SLC17A3: variants seen among roughly 807,000 people sequenced by gnomAD.
The protein encoded by SLC17A3 is solute carrier family 17 member 3.
Under a neutral mutation model 60.3 loss-of-function variants are expected in SLC17A3, and 61 were observed. That is an observed-to-expected ratio of 1.01 (90% CI 0.82 to 1.25). The LOEUF is 1.25. SLC17A3 is among the 50% of genes most tolerant of loss of function. SLC17A3 has a pLI of 0.00. For synonymous variants in SLC17A3, 192 were observed against 208.9 expected (o/e 0.92, Z 0.70); for missense variants, 624 against 594.9 (o/e 1.05, Z -0.51).
intron 11 of SLC17A3, among the ~76,000 whole-genome samples, chr6:25,847,542 G>A (rs1036923463): frequency 5.3e-5 from 8 of 152,054 alleles, no homozygotes; most frequent in African/African-American, 1.4e-4. Flanking sequence ...GTGTATAAGC[G>A]TTCCCTTTTC....
chr6:25,852,652 T>C (rs1367690088), intron 6 of SLC17A3, among the ~76,000 whole-genome samples: 1 of 152,192 alleles, frequency 6.6e-6, no homozygotes, highest in Non-Finnish European at 1.5e-5. Flanking sequence ...TTTTCATCTC[T>C]ATAAGTTTTA....
chr6:25,857,930 G>A (rs557420876), intron 5 of SLC17A3, among the ~76,000 whole-genome samples: 2 of 152,248 alleles, frequency 1.3e-5, no homozygotes, highest in African/African-American at 4.8e-5. Flanking sequence ...ACTCCTAAGA[G>A]TATGTATTCT....
At chr6:25,866,045 C>T (rs1235612991) in intron 2 of SLC17A3, among the ~76,000 whole-genome samples, 2 of 151,996 alleles carry the variant, frequency 1.3e-5, no homozygotes, top group Non-Finnish European at 2.9e-5. Context: ...CCAGTGATTA[C>T]CACCTCATGG....
chr6:25,846,040 G>A (rs1370640412), intron 11 of SLC17A3, among the ~76,000 whole-genome samples: 1 of 152,096 alleles, frequency 6.6e-6, no homozygotes, highest in East Asian at 1.9e-4. Context: ...AAATACCTAT[G>A]CATACATCAC....
At chr6:25,850,980 A>C in intron 6 of SLC17A3, 103 bp from the exon 7 acceptor site, 2 of 830,630 alleles carry the variant, frequency 2.4e-6, no homozygotes, top group Non-Finnish European at 4.2e-6. Context: ...GGAAAAGCTC[A>C]TGTTCATTAT....
chr6:25,848,871 A>G (rs1765221831), intron 11 of SLC17A3, among the ~76,000 whole-genome samples: 1 of 152,254 alleles, frequency 6.6e-6, no homozygotes, highest in Admixed American at 6.5e-5. Context: ...TCCAGAACCT[A>G]CAATGAACTC....
At chr6:25,868,032 A>C (rs979169877) in intron 2 of SLC17A3, among the ~76,000 whole-genome samples, 10 of 151,930 alleles carry the variant, frequency 6.6e-5, no homozygotes, top group Non-Finnish European at 1.3e-4. Flanking sequence ...CAAGCAGGAC[A>C]CACAATACTA....
At position 25,850,764 on chromosome 6, in the gene SLC17A3, G is replaced by A. The variant is rs776098992; in HGVS notation, c.826C>T (p.Gln276Ter). The A allele has an allele frequency of 2.5e-6, 4 of 1,612,482 alleles. No homozygotes were observed. The highest frequency in any genetic ancestry group is 1.3e-5 in the African/African-American group (1 of 74,894). ...GTTGGTGTCTTTATATGTACCTGTT[G>A]TTTCAAGGAGGATATGATGTATTCT... is the stretch of plus-strand genomic sequence containing the variant. ...EKEYIISSLK[Q>*]QVGSSKQPLP... The change falls in exon 7 of 13, where the codon CAA (glutamine) becomes TAA (stop). Residue 276 changes from glutamine (Q) to a stop codon, truncating the protein, a stop_gained. Coordinates refer to ENST00000397060, the MANE Select transcript of SLC17A3 (RefSeq NM_001098486.2). LOFTEE classifies it high-confidence loss of function.
chr6:25,860,360 C>A (rs951841330), intron 5 of SLC17A3, among the ~76,000 whole-genome samples: 2 of 152,128 alleles, frequency 1.3e-5, no homozygotes, highest in Non-Finnish European at 2.9e-5. Context: ...AAGGCAGGTG[C>A]CTTCTGGGGT....
chr6:25,868,763 C>G (rs1042894933), intron 1 of SLC17A3, among the ~76,000 whole-genome samples: 1 of 151,952 alleles, frequency 6.6e-6, no homozygotes, highest in African/African-American at 2.4e-5. Flanking sequence ...TTGTTAATAA[C>G]AACAACATCT....
intron 11 of SLC17A3, among the ~76,000 whole-genome samples, chr6:25,846,771 C>T (rs182785705): frequency 3.4e-4 from 52 of 152,150 alleles, no homozygotes; most frequent in Middle Eastern, 3.4e-3. Context: ...CCACCACATC[C>T]GGCTAATTGT....
Position 25,862,048 on chromosome 6 carries a change from G to T in SLC17A3, c.304-19C>A. On this transcript the variant is annotated intron_variant, in intron 3 of 12. Coordinates refer to ENST00000397060, the MANE Select transcript of SLC17A3 (RefSeq NM_001098486.2). ...CAGGAGCCTTAGAGAAACAGAGAAT[G>T]CTGTAGTAAACCTTACACAAAAAGG... is the stretch of plus-strand genomic sequence containing the variant. 1 of 1,566,820 alleles carries T rather than the reference G, an allele frequency of 6.4e-7. No individual in the cohort carries two copies. Among genetic ancestry groups the T allele is most frequent in the Admixed American group, 1.8e-5 (1 of 54,942 alleles).
At chr6:25,851,408 T>A (rs1305609941) in intron 6 of SLC17A3, among the ~76,000 whole-genome samples, 1 of 152,198 alleles carries the variant, frequency 6.6e-6, no homozygotes, top group African/African-American at 2.4e-5. Flanking sequence ...CTAACTTTGA[T>A]GAAATCCAAT....
At chr6:25,857,648 G>A (rs1765380585) in intron 5 of SLC17A3, among the ~76,000 whole-genome samples, 1 of 152,056 alleles carries the variant, frequency 6.6e-6, no homozygotes. Flanking sequence ...TAAATAGAGA[G>A]AAAAATTAAA....
intron 5 of SLC17A3, among the ~76,000 whole-genome samples, chr6:25,857,193 A>C (rs537039618): frequency 6.6e-6 from 1 of 152,198 alleles, no homozygotes; most frequent in South Asian, 2.1e-4. Context: ...TATCTCAAAA[A>C]AAAAAAAAGT....
chr6:25,864,500 C>T (rs551365997), intron 2 of SLC17A3, among the ~76,000 whole-genome samples: 16 of 151,756 alleles, frequency 1.1e-4, no homozygotes, highest in African/African-American at 2.7e-4. Flanking sequence ...TAAATCCCAG[C>T]GTGGAAAAAA....
At chr6:25,851,255 T>G (rs1765272187) in intron 6 of SLC17A3, among the ~76,000 whole-genome samples, 1 of 147,676 alleles carries the variant, frequency 6.8e-6, no homozygotes, top group Non-Finnish European at 1.5e-5. Flanking sequence ...TTTTTTTTTT[T>G]GGTTTTTTAT....
At chr6:25,845,598 A>T (rs1765162148) in intron 11 of SLC17A3, 82 bp from the exon 12 acceptor site, 9 of 1,498,758 alleles carry the variant, frequency 6.0e-6, no homozygotes, top group Non-Finnish European at 8.3e-6. Flanking sequence ...AGATGACAAC[A>T]TTCACTGGTG....
chr6:25,863,289 G>A (rs1765482575), intron 2 of SLC17A3, among the ~76,000 whole-genome samples: 2 of 152,076 alleles, frequency 1.3e-5, no homozygotes, highest in African/African-American at 2.4e-5. Context: ...AAGTTTCAAA[G>A]GTTAGGTCTC....
Sources: allele counts gnomAD v4.1 joint callset (sites outside exome capture counted in the v4.1 genomes callset), GRCh38; gene constraint gnomAD v4.1.1; transcripts MANE v1.5; gene names NCBI Gene and HGNC (gene_info 2026-07-23, HGNC 2026-07-21).